Variants in GABRB1 observed in about 807,000 individuals in gnomAD.
GABRB1 encodes gamma-aminobutyric acid type A receptor subunit beta1, also known as gamma-aminobutyric acid receptor subunit beta-1.
Under a neutral mutation model 51.6 loss-of-function variants are expected in GABRB1, and 17 were observed. That is an observed-to-expected ratio of 0.33 (90% CI 0.23 to 0.49). The LOEUF (loss-of-function observed/expected upper bound fraction) is 0.49. Among genes scored for constraint, GABRB1 ranks in the 20% least tolerant of loss-of-function variants. The probability of loss-of-function intolerance (pLI) is 0.99; values close to 1 mark genes in which losing one functional copy is unlikely to be tolerated. For missense variants in GABRB1, 410 were observed against 600.6 expected (o/e 0.68, Z 3.32); for synonymous variants, 247 against 218.9 (o/e 1.13, Z -1.14).
intron 4 of GABRB1, among the ~76,000 whole-genome samples, chr4:47,251,189 G>A (rs1285838313): frequency 6.6e-6 from 1 of 152,058 alleles, no homozygotes; most frequent in Non-Finnish European, 1.5e-5. Context: ...GGTTTCTTGT[G>A]GGCTCAACTG....
chr4:47,137,506 T>A (rs1352735067), intron 3 of GABRB1, among the ~76,000 whole-genome samples: 1 of 152,148 alleles, frequency 6.6e-6, no homozygotes, highest in African/African-American at 2.4e-5. Flanking sequence ...CAGATGTTCA[T>A]GTCCTGTTTA....
intron 5 of GABRB1, among the ~76,000 whole-genome samples, chr4:47,348,299 A>C (rs1219308619): frequency 6.6e-6 from 1 of 152,218 alleles, no homozygotes; most frequent in Non-Finnish European, 1.5e-5. Flanking sequence ...TAAATATAAG[A>C]AAATGATTGC....
rs145915079 is a variant in GABRB1, at chr4:47,037,412, G to A, written c.240+4928G>A. Among the ~76,000 whole-genome samples the A allele has an allele frequency of 7.8e-3, 1,189 of 152,250 alleles. 9 individuals carry two copies. Among genetic ancestry groups the A allele is most frequent in the Non-Finnish European group, 0.012 (793 of 68,022 alleles). On this transcript the variant is annotated intron_variant, in intron 3 of 8. Coordinates refer to ENST00000295454, the MANE Select transcript of GABRB1 (RefSeq NM_000812.4). ...GTAAATACATTTTATTCTTATATGA[G>A]TAATCACACAAGTTTTTCTCTTAGG...
intron 4 of GABRB1, among the ~76,000 whole-genome samples, chr4:47,295,152 TG>T (rs1419569003): frequency 6.6e-6 from 1 of 151,810 alleles, no homozygotes; most frequent in Non-Finnish European, 1.5e-5. Context: ...ACCACAAAGA[TG>T]GGGAAAAAAC....
At chr4:47,106,194 T>G (rs2109617460) in intron 3 of GABRB1, among the ~76,000 whole-genome samples, 1 of 152,270 alleles carries the variant, frequency 6.6e-6, no homozygotes, top group Middle Eastern at 3.4e-3. Context: ...TTAAAATACT[T>G]CTGTTTTTAT....
intron 3 of GABRB1, among the ~76,000 whole-genome samples, chr4:47,075,629 A>G (rs1228187063): frequency 6.6e-6 from 1 of 152,246 alleles, no homozygotes; most frequent in Non-Finnish European, 1.5e-5. Context: ...TGCAGTAACA[A>G]GGGAGCTCAT....
chr4:47,230,578 G>A (rs887700219), intron 4 of GABRB1, among the ~76,000 whole-genome samples: 1 of 152,112 alleles, frequency 6.6e-6, no homozygotes, highest in Non-Finnish European at 1.5e-5. Flanking sequence ...AAAAAGCTGT[G>A]CAGTGCTGTG....
intron 4 of GABRB1, among the ~76,000 whole-genome samples, chr4:47,294,191 T>C (rs1221112755): frequency 1.3e-5 from 2 of 152,276 alleles, no homozygotes; most frequent in South Asian, 2.1e-4. Context: ...AGAAGACAGA[T>C]GATTTCTGCA....
intron 4 of GABRB1, among the ~76,000 whole-genome samples, chr4:47,310,783 T>C (rs1054850214): frequency 3.9e-5 from 6 of 152,162 alleles, no homozygotes; most frequent in Non-Finnish European, 8.8e-5. Flanking sequence ...TAATGCTTTC[T>C]CCTCCAAAGA....
intron 4 of GABRB1, among the ~76,000 whole-genome samples, chr4:47,291,338 C>T (rs1336834250): frequency 6.6e-6 from 1 of 152,176 alleles, no homozygotes; most frequent in Non-Finnish European, 1.5e-5. Flanking sequence ...TATGGAAATG[C>T]CTGGATGCCC....
intron 3 of GABRB1, among the ~76,000 whole-genome samples, chr4:47,092,609 C>CTT (rs58016946): frequency 6.9e-5 from 10 of 144,626 alleles, no homozygotes; most frequent in East Asian, 2.0e-4. Flanking sequence ...CAGTTTCTTT[C>CTT]TTTTTTTTTT....
chr4:47,302,737 A>G (rs1453928130), intron 4 of GABRB1, among the ~76,000 whole-genome samples: 1 of 152,038 alleles, frequency 6.6e-6, no homozygotes, highest in Non-Finnish European at 1.5e-5. Context: ...CTTGTGTAAT[A>G]GGACTTCACA....
chr4:47,095,305 G>A (rs998219701), intron 3 of GABRB1, among the ~76,000 whole-genome samples: 1 of 151,970 alleles, frequency 6.6e-6, no homozygotes, highest in African/African-American at 2.4e-5. Flanking sequence ...GCACCTTTCA[G>A]AGATGGCAAA....
chr4:47,125,242 A>G (rs1029450760), intron 3 of GABRB1, among the ~76,000 whole-genome samples: 10 of 152,138 alleles, frequency 6.6e-5, no homozygotes, highest in Non-Finnish European at 1.3e-4. Context: ...TCTGGGAGAG[A>G]TATGGATCTT....
intron 1 of GABRB1, among the ~76,000 whole-genome samples, chr4:47,000,987 T>TTA (rs1368248000): frequency 2.0e-5 from 3 of 152,184 alleles, no homozygotes; most frequent in South Asian, 2.1e-4. Flanking sequence ...AGACTAGCTG[T>TTA]TATATATATT....
At chr4:47,270,503 C>T (rs1386606970) in intron 4 of GABRB1, among the ~76,000 whole-genome samples, 1 of 152,156 alleles carries the variant, frequency 6.6e-6, no homozygotes. Context: ...TTGCCTGTTG[C>T]TTTCTGTTGT....
At chr4:47,203,104 A>C (rs546870975) in intron 4 of GABRB1, among the ~76,000 whole-genome samples, 6 of 152,170 alleles carry the variant, frequency 3.9e-5, no homozygotes, top group Non-Finnish European at 8.8e-5. Context: ...GTATGTCAGC[A>C]CACAGTCACT....
At chr4:47,197,556 A>G (rs1304187666) in intron 4 of GABRB1, among the ~76,000 whole-genome samples, 1 of 152,218 alleles carries the variant, frequency 6.6e-6, no homozygotes. Context: ...GTGCTGCTAC[A>G]ATATAAGCAG....
intron 4 of GABRB1, among the ~76,000 whole-genome samples, chr4:47,238,678 T>C (rs1042940821): frequency 6.6e-6 from 1 of 152,126 alleles, no homozygotes; most frequent in Non-Finnish European, 1.5e-5. Flanking sequence ...TTATTCTGTA[T>C]GAAAAATTTG....
Sources: allele counts gnomAD v4.1 joint callset (sites outside exome capture counted in the v4.1 genomes callset), GRCh38; gene constraint gnomAD v4.1.1; transcripts MANE v1.5; gene names NCBI Gene and HGNC (gene_info 2026-07-23, HGNC 2026-07-21).